Variants in MICAL3 observed in about 807,000 individuals in gnomAD.
MICAL3 encodes microtubule associated monooxygenase, calponin and LIM domain containing 3.
A neutral mutation model predicts 207.4 loss-of-function variants in MICAL3; 62 were observed. The ratio of observed to expected loss-of-function variants is 0.30; its 90% CI spans 0.24 to 0.37. The LOEUF (loss-of-function observed/expected upper bound fraction) is 0.37, where lower values mean the gene tolerates loss of function less well. Among genes scored for constraint, MICAL3 ranks in the 10% least tolerant of loss-of-function variants. MICAL3 has a pLI of 1.00. For missense variants in MICAL3, 2,368 were observed against 2,635.6 expected (o/e 0.90, Z 2.22); for synonymous variants, 1,077 against 1,069.3 (o/e 1.01, Z -0.14).
intron 16 of MICAL3, among the ~76,000 whole-genome samples, chr22:17,881,771 T>C (rs191866484): frequency 9.2e-5 from 14 of 152,286 alleles, no homozygotes; most frequent in Middle Eastern, 3.4e-3. Context: ...CCTGCACTCA[T>C]GGAGGCTCAA....
chr22:17,867,789 T>C (rs939044493), intron 17 of MICAL3, among the ~76,000 whole-genome samples: 24 of 152,264 alleles, frequency 1.6e-4, no homozygotes, highest in African/African-American at 5.8e-4. Flanking sequence ...AACTGTCATC[T>C]GCATTGGGTT....
intron 29 of MICAL3, among the ~76,000 whole-genome samples, chr22:17,794,911 C>T (rs753525470): frequency 7.2e-5 from 11 of 152,184 alleles, no homozygotes; most frequent in South Asian, 2.1e-4. Context: ...CACGGGGCCT[C>T]GGCCCGCGGG....
chr22:17,891,768 G>T lies in MICAL3; in HGVS notation c.1547-136C>A, dbSNP rs1018105992. The T allele has an allele frequency of 4.3e-5, 32 of 751,766 alleles. No homozygotes were observed. In the Admixed American group the frequency reaches 5.2e-4, roughly 12 times the overall value. The allele number at this position is 751,766 out of a possible 1,614,324, so 46.6% of individuals were successfully genotyped here. A position where few individuals can be genotyped will look rare whatever the true frequency, so the allele number is the denominator to read the frequency against. ...CGAAACAGTCAACACTAGTTTCCAT[G>T]CAAAGAAAACAGTGAGGAACAAGGT... is the stretch of plus-strand genomic sequence containing the variant. On this transcript the variant is annotated intron_variant, in intron 11 of 31. Transcript: ENST00000441493.
Position 17,793,824 on chromosome 22 carries a change from G to A in MICAL3, c.5651-2523C>T, listed in dbSNP as rs1228416593. On this transcript the variant is annotated intron_variant, in intron 29 of 31. Transcript: ENST00000441493. The surrounding 1 kb of genome is among the most constrained non-coding windows in gnomAD (Gnocchi z 4.1). ...AAAAGGGACCAAGCAAGGAAGAGGA[G>A]GAGACGGAGAAAGACAAAAAAGGAA... 1.3e-5 allele frequency: 2 copies of A among 152,390 alleles called. No individual in the cohort carries two copies. The highest frequency in any genetic ancestry group is 4.8e-5 in the African/African-American group (2 of 41,348). The allele number at this position is 152,390 out of a possible 1,614,324, so 9.4% of individuals were successfully genotyped here. A position where few individuals can be genotyped will look rare whatever the true frequency, so the allele number is the denominator to read the frequency against.
At chr22:17,998,534 T>C (rs1314727472) in intron 1 of MICAL3, among the ~76,000 whole-genome samples, 1 of 136,742 alleles carries the variant, frequency 7.3e-6, no homozygotes, top group Non-Finnish European at 1.5e-5. Context: ...ATCCAGAGCA[T>C]AATAATAATA....
rs766701812 is a variant in MICAL3 at position 17,884,335 on chromosome 22, G to A, written c.2241+1543C>T. On this transcript the variant is annotated intron_variant, in intron 16 of 31. Coordinates refer to ENST00000441493, the MANE Select transcript of MICAL3 (RefSeq NM_015241.3). ...GCCCAGGCAGGCAGCAGGACGGCTG[G>A]CTGGCCCCACGCTCTTGTGTCAGCT... 3.3e-5 allele frequency: 53 copies of A among 1,593,780 alleles called. No individual in the cohort carries two copies. In the Admixed American group the frequency reaches 5.1e-4, roughly 15 times the overall value.
chr22:17,946,662 T>C (rs1010411281), intron 1 of MICAL3, among the ~76,000 whole-genome samples: 3 of 152,134 alleles, frequency 2.0e-5, no homozygotes, highest in East Asian at 1.9e-4. Context: ...CACCAGGTGA[T>C]TGGGGAAAGT....
chr22:17,878,147 C>T (rs1234183260), intron 16 of MICAL3, among the ~76,000 whole-genome samples: 2 of 151,684 alleles, frequency 1.3e-5, no homozygotes. Flanking sequence ...GCCACCGCAC[C>T]CGGCCTTCCC....
chr22:17,930,019 T>C (rs1933163709), intron 1 of MICAL3, among the ~76,000 whole-genome samples: 1 of 152,154 alleles, frequency 6.6e-6, no homozygotes, highest in African/African-American at 2.4e-5. Context: ...GAAGATTTGA[T>C]CAGGCATATC....
rs373446355 is a variant in MICAL3, at chr22:17,817,758, C to T, written c.4903G>A (p.Ala1635Thr). The change falls in exon 26 of 32, where the codon GCG (alanine) becomes ACG (threonine). Residue 1635 changes from alanine to threonine, a missense_variant. Ala to Thr is a moderately conservative substitution (Grantham distance 58, BLOSUM62 0). Coordinates refer to ENST00000441493, the MANE Select transcript of MICAL3 (RefSeq NM_015241.3). ...TTGCCCTGGGAGGGTGCTGAGGACG[C>T]CTTGCGGGGCCTGGGGGCGCCTGAG... is the stretch of plus-strand genomic sequence containing the variant. ...LASGAPRPRK[A>T]SSAPSQGKER... 7 of 1,592,068 alleles carry T rather than the reference C, an allele frequency of 4.4e-6. No individual in the cohort carries two copies. In the South Asian group the frequency reaches 5.7e-5, roughly 13 times the overall value.
In MICAL3 at chr22:17,929,568, C is replaced by CTTTTTTTTTTTTTTTTTTT. The variant is rs67222681; in HGVS notation, c.-74-22701_-74-22683dup. Among the ~76,000 whole-genome samples the CTTTTTTTTTTTTTTTTTTT allele has an allele frequency of 3.7e-5, 4 of 108,902 alleles. 1 individual carries two copies. The highest frequency in any genetic ancestry group is 3.0e-4 in the South Asian group (1 of 3,340). 71.4% of individuals were successfully genotyped at this position (108,902 alleles called of 152,430 possible). A position where few individuals can be genotyped will look rare whatever the true frequency, so the allele number is the denominator to read the frequency against. On this transcript the variant is annotated intron_variant, in intron 1 of 31. Coordinates refer to ENST00000441493, the MANE Select transcript of MICAL3 (RefSeq NM_015241.3). ...ATTTTTCTTTCTTTCCTTTTCTTTT[C>CTTTTTTTTTTTTTTTTTTT]TTTTTTTTTTTTTTTTTTTGACAGG...
At chr22:17,888,298 C>T (rs933780766) in intron 13 of MICAL3, among the ~76,000 whole-genome samples, 2 of 152,184 alleles carry the variant, frequency 1.3e-5, no homozygotes, top group African/African-American at 4.8e-5. Context: ...CCACAGCCAA[C>T]ACTCTAGCCT....
chr22:17,835,828 C>G (rs1336580247), intron 20 of MICAL3, among the ~76,000 whole-genome samples: 6 of 152,244 alleles, frequency 3.9e-5, no homozygotes, highest in African/African-American at 1.4e-4. Flanking sequence ...GGGTCACACT[C>G]TCTCCAAGGG....
intron 29 of MICAL3, among the ~76,000 whole-genome samples, chr22:17,804,254 G>T (rs2061968235): frequency 6.6e-6 from 1 of 152,206 alleles, no homozygotes; most frequent in Non-Finnish European, 1.5e-5. Flanking sequence ...CTGCGTGTCA[G>T]TTGCTGATAC....
At chr22:17,945,398 G>A (rs767104613) in intron 1 of MICAL3, among the ~76,000 whole-genome samples, 5 of 152,250 alleles carry the variant, frequency 3.3e-5, no homozygotes, top group East Asian at 1.9e-4. Flanking sequence ...CCCTGCACAC[G>A]CGCTGCCAAC....
intron 16 of MICAL3, chr22:17,884,250 A>G (rs914070476): frequency 6.4e-6 from 10 of 1,555,450 alleles, no homozygotes; most frequent in Non-Finnish European, 8.8e-6. Flanking sequence ...GACAGCACCC[A>G]TCCTGGCCCT....
intron 17 of MICAL3, 59 bp from the exon 18 acceptor site, chr22:17,866,071 C>T (rs1232077003): frequency 8.5e-6 from 11 of 1,297,642 alleles, no homozygotes; most frequent in African/African-American, 2.9e-5. Context: ...CCTGAACGTG[C>T]CTCCCTGGTC....
intron 1 of MICAL3, among the ~76,000 whole-genome samples, chr22:18,002,259 A>G (rs1923084156): frequency 6.6e-6 from 1 of 152,066 alleles, no homozygotes; most frequent in African/African-American, 2.4e-5. Flanking sequence ...GCAAAATGAA[A>G]CTAGGATTTT....
chr22:17,810,940 A>G (rs2062041715), intron 27 of MICAL3, 127 bp from the exon 28 acceptor site: 3 of 705,252 alleles, frequency 4.3e-6, no homozygotes, highest in Non-Finnish European at 7.5e-6. Flanking sequence ...GGCAGATAGG[A>G]CAAGCTGTCC....
Sources: gnomAD v4.1 joint callset for allele counts (sites outside exome capture counted in the v4.1 genomes callset) on GRCh38, gnomAD v4.1.1 for gene constraint, Gnocchi (gnomAD v3.1) non-coding constraint, MANE v1.5 for transcripts, NCBI Gene and HGNC (gene_info 2026-07-23, HGNC 2026-07-21) for gene names.